Variants in SAXO1 observed in about 807,000 individuals in gnomAD.
The protein encoded by SAXO1 is 4930500O09Rik.
In SAXO1, 21 loss-of-function variants were observed where a neutral mutation model predicts 17.5. The ratio of observed to expected loss-of-function variants is 1.20; its 90% CI spans 0.85 to 1.72. SAXO1 has a LOEUF of 1.72. Ranked by LOEUF, SAXO1 falls within the 40% of genes most tolerant of loss-of-function variation. SAXO1 has a pLI of 0.00. For missense variants in SAXO1, 843 were observed against 596.0 expected, an observed-to-expected ratio of 1.41 and a Z score of -4.32; for synonymous variants, 274 against 216.5, an observed-to-expected ratio of 1.27 and a Z score of -2.33.
At chr9:19,019,570 A>C (rs1246546735) in intron 1 of SAXO1, among the ~76,000 whole-genome samples, 1 of 151,950 alleles carries the variant, frequency 6.6e-6, no homozygotes, top group Admixed American at 6.6e-5. Flanking sequence ...CTCTACAAAA[A>C]CTACAAAAAT....
At chr9:19,031,204 G>A (rs531467365) in intron 1 of SAXO1, among the ~76,000 whole-genome samples, 1 of 152,370 alleles carries the variant, frequency 6.6e-6, no homozygotes, top group Non-Finnish European at 1.5e-5. Context: ...TGGAGACTAT[G>A]TCTTATACAT....
intron 1 of SAXO1, among the ~76,000 whole-genome samples, chr9:18,976,904 A>G (rs1833174664): frequency 6.6e-6 from 1 of 152,248 alleles, no homozygotes; most frequent in Non-Finnish European, 1.5e-5. Context: ...TTCATCAGGA[A>G]CGACCCCACA....
intron 1 of SAXO1, among the ~76,000 whole-genome samples, chr9:18,952,363 A>G (rs1832069166): frequency 6.6e-6 from 1 of 152,256 alleles, no homozygotes; most frequent in Non-Finnish European, 1.5e-5. Flanking sequence ...ATAAAATGAG[A>G]GAAAGAAACC....
chr9:18,943,061 G>C (rs1044123205), intron 2 of SAXO1, among the ~76,000 whole-genome samples: 9 of 152,208 alleles, frequency 5.9e-5, no homozygotes, highest in Admixed American at 2.6e-4. Context: ...TGCTTGACTA[G>C]CAAAGGTAAC....
chr9:19,029,002 G>C (rs1021551436), intron 1 of SAXO1, among the ~76,000 whole-genome samples: 2 of 152,144 alleles, frequency 1.3e-5, no homozygotes, highest in Admixed American at 1.3e-4. Flanking sequence ...GGCTGATTTG[G>C]TTTAACCCGC....
At chr9:19,014,460 C>CAAAAA (rs375593725) in intron 1 of SAXO1, among the ~76,000 whole-genome samples, 1,464 of 88,486 alleles carry the variant, frequency 0.017, 54 homozygotes, top group African/African-American at 0.051. Context: ...AACTGTGTCT[C>CAAAAA]AAAAAAAAAA....
At chr9:19,012,975 G>A (rs1170594847) in intron 1 of SAXO1, among the ~76,000 whole-genome samples, 1 of 152,042 alleles carries the variant, frequency 6.6e-6, no homozygotes, top group African/African-American at 2.4e-5. Flanking sequence ...TATAGGTCAC[G>A]CTTTTCTCTA....
chr9:18,927,714 C>CG lies in SAXO1; in HGVS notation c.*337_*338insC, dbSNP rs1286642343. The CG allele has an allele frequency of 4.7e-6, 1 of 213,846 alleles. No individual in the cohort carries two copies. The highest frequency in any genetic ancestry group is 9.2e-6 in the Non-Finnish European group (1 of 108,268). The allele number at this position is 213,846 out of a possible 1,614,324, so 13.2% of individuals were successfully genotyped here. ...CGCTTCATACTTGGCAAGGGTTAATCATTATGTCAGTTCATACAATGATTA... is the reference window on the plus strand; with the variant it reads ...CGCTTCATACTTGGCAAGGGTTAATCGATTATGTCAGTTCATACAATGATTA... On this transcript the variant is annotated 3_prime_UTR_variant, in exon 4 of 4. Coordinates refer to ENST00000380534, the MANE Select transcript of SAXO1 (RefSeq NM_153707.4).
At chr9:18,963,970 T>C (rs1832606672) in intron 1 of SAXO1, among the ~76,000 whole-genome samples, 1 of 152,220 alleles carries the variant, frequency 6.6e-6, no homozygotes, top group African/African-American at 2.4e-5. Flanking sequence ...CATCAATACC[T>C]ACTTTACTGA....
chr9:18,975,840 C>T (rs878955951), intron 1 of SAXO1, among the ~76,000 whole-genome samples: 6 of 152,206 alleles, frequency 3.9e-5, no homozygotes, highest in Admixed American at 3.3e-4. Context: ...TTGTGCTGAG[C>T]GAAAAGTGAG....
At chr9:19,001,973 G>T (rs1187047525) in intron 1 of SAXO1, among the ~76,000 whole-genome samples, 1 of 152,006 alleles carries the variant, frequency 6.6e-6, no homozygotes, top group Non-Finnish European at 1.5e-5. Flanking sequence ...TTTTTGGAAA[G>T]ATCAACAAAA....
Position 18,928,877 on chromosome 9 carries a change from G to C in SAXO1, c.600C>G (p.Pro200=). ...TCTTGTAGTTAGTCACATCCTCCAA[G>C]GGGATGTTACAGAGCTTTGGCATGG... ...PLAMPKLCNI[P]LEDVTNYKMS... is the part of the protein sequence containing the mutation. Residue 200 remains proline, a synonymous_variant, in exon 4 of 4, where the codon CCC becomes CCG. Transcript: ENST00000380534. 6.2e-7 allele frequency: 1 copy of C among 1,614,182 alleles called. No homozygotes were observed. Among genetic ancestry groups the C allele is most frequent in the Non-Finnish European group, 8.5e-7 (1 of 1,180,040 alleles).
chr9:19,008,237 C>G (rs1455151452), intron 1 of SAXO1, among the ~76,000 whole-genome samples: 5 of 152,166 alleles, frequency 3.3e-5, no homozygotes, highest in African/African-American at 1.2e-4. Flanking sequence ...TTTGGCCTCT[C>G]AAAGTGCTGG....
intron 1 of SAXO1, among the ~76,000 whole-genome samples, chr9:18,995,749 T>C (rs138827390): frequency 4.6e-5 from 7 of 152,184 alleles, no homozygotes; most frequent in African/African-American, 1.4e-4. Flanking sequence ...AAAAACACAA[T>C]ATAGAGAACT....
intron 1 of SAXO1, among the ~76,000 whole-genome samples, chr9:19,028,562 A>G (rs1460989956): frequency 6.6e-6 from 1 of 152,256 alleles, no homozygotes; most frequent in Admixed American, 6.5e-5. Context: ...AGTTTCAAAA[A>G]AAATTTAGAT....
upstream of SAXO1, among the ~76,000 whole-genome samples, chr9:19,036,954 G>C (rs1835957105): frequency 6.6e-6 from 1 of 152,164 alleles, no homozygotes; most frequent in Non-Finnish European, 1.5e-5. Flanking sequence ...AAGCCACAGG[G>C]GAGGAGCTGT....
chr9:19,011,756 C>T (rs1421088266), intron 1 of SAXO1, among the ~76,000 whole-genome samples: 2 of 152,064 alleles, frequency 1.3e-5, no homozygotes, highest in African/African-American at 4.8e-5. Flanking sequence ...ATGCCAATTA[C>T]GAACCACTTC....
chr9:18,929,343 C>A (rs1171456500), intron 3 of SAXO1, among the ~76,000 whole-genome samples: 1 of 152,186 alleles, frequency 6.6e-6, no homozygotes, highest in East Asian at 1.9e-4. Flanking sequence ...GGAATCCATT[C>A]CTGCAGAAAA....
At chr9:19,002,645 C>T (rs981550564) in intron 1 of SAXO1, among the ~76,000 whole-genome samples, 2 of 152,228 alleles carry the variant, frequency 1.3e-5, no homozygotes, top group Non-Finnish European at 2.9e-5. Context: ...ACAAAAACCA[C>T]ATGATTATCT....
Sources: gnomAD v4.1 joint callset for allele counts (sites outside exome capture counted in the v4.1 genomes callset) on GRCh38, gnomAD v4.1.1 for gene constraint, MANE v1.5 for transcripts, NCBI Gene and HGNC (gene_info 2026-07-23, HGNC 2026-07-21) for gene names.